The following LZTFL1 variants were observed in gnomAD, a reference collection of about 807,000 sequenced individuals.
LZTFL1 encodes the protein leucine zipper transcription factor-like protein 1.
A neutral mutation model predicts 45.9 loss-of-function variants in LZTFL1; 25 were observed. The ratio of observed to expected loss-of-function variants is 0.54; its 90% confidence interval spans 0.40 to 0.76. The LOEUF is 0.76. Ranked by LOEUF, LZTFL1 falls within the 30% of genes least tolerant of loss-of-function variation. The pLI is 0.00. For synonymous variants in LZTFL1, 93 were observed against 117.4 expected (o/e 0.79, Z 1.35); for missense variants, 277 against 331.1 (o/e 0.84, Z 1.27).
chr3:45,891,579 A>C (rs1441553863), intron 2 of LZTFL1, among the ~76,000 whole-genome samples: 4 of 152,190 alleles, frequency 2.6e-5, no homozygotes, highest in Admixed American at 2.6e-4. Context: ...TTCTCCTGTA[A>C]AACCACAATG....
intron 2 of LZTFL1, among the ~76,000 whole-genome samples, chr3:45,871,869 G>T (rs572486020): frequency 5.3e-5 from 8 of 152,322 alleles, no homozygotes; most frequent in African/African-American, 1.9e-4. Flanking sequence ...GGCTTTGTTT[G>T]CTTCCCAGGG....
chr3:45,845,161 G>C (rs1701198263), upstream of LZTFL1, among the ~76,000 whole-genome samples: 1 of 152,100 alleles, frequency 6.6e-6, no homozygotes, highest in South Asian at 2.1e-4. Flanking sequence ...ATACATTTCA[G>C]TTAAACCCAC....
At chr3:45,833,631 C>T (rs1233072216) in intron 4 of LZTFL1, among the ~76,000 whole-genome samples, 5 of 152,042 alleles carry the variant, frequency 3.3e-5, no homozygotes, top group African/African-American at 7.2e-5. Flanking sequence ...TAATTCATGC[C>T]CTCTGATCCA....
At chr3:45,854,920 T>C in intron 4 of LZTFL1, 1 of 1,187,742 alleles carries the variant, frequency 8.4e-7, no homozygotes, top group Admixed American at 2.2e-5. Flanking sequence ...GGAATAACAA[T>C]AAAAAAACAG....
intron 2 of LZTFL1, among the ~76,000 whole-genome samples, chr3:45,898,137 C>T (rs1702427604): frequency 6.6e-6 from 1 of 152,120 alleles, no homozygotes; most frequent in Non-Finnish European, 1.5e-5. Flanking sequence ...GGTCATCCTC[C>T]CAACCTCTTA....
At chr3:45,868,668 C>T (rs895280883) in intron 2 of LZTFL1, among the ~76,000 whole-genome samples, 1 of 152,104 alleles carries the variant, frequency 6.6e-6, no homozygotes, top group Non-Finnish European at 1.5e-5. Flanking sequence ...GGGGGGTAAA[C>T]CCAACTCTCT....
At position 45,874,894 on chromosome 3, in the gene LZTFL1, C is replaced by T. The variant is rs12639252; in HGVS notation, c.-214-15878G>A. On this transcript the variant is annotated intron_variant, in intron 2 of 4. Transcript: ENST00000472635. ...CTAGCCAGCTGGTGGATGGGAGGCA[C>T]GTGGACCAGTGGTAACATCATCCCG... Among the ~76,000 whole-genome samples the T allele has an allele frequency of 2.2e-3, 336 of 152,288 alleles. 15 individuals are homozygous for T. The East Asian group carries it at 0.049, about 22-fold the overall frequency.
intron 2 of LZTFL1, chr3:45,859,109 G>A (rs970507614): frequency 2.0e-5 from 3 of 152,186 alleles, no homozygotes; most frequent in Admixed American, 6.5e-5. Context: ...GATGGTGCTC[G>A]TTGATGATAC....
At chr3:45,872,368 G>A (rs1042109971) in intron 2 of LZTFL1, among the ~76,000 whole-genome samples, 2 of 152,172 alleles carry the variant, frequency 1.3e-5, no homozygotes, top group African/African-American at 4.8e-5. Context: ...AGATTGGCAA[G>A]GGAGAGGTCC....
intron 2 of LZTFL1, among the ~76,000 whole-genome samples, chr3:45,909,126 C>T (rs748496371): frequency 5.9e-5 from 9 of 152,144 alleles, no homozygotes; most frequent in African/African-American, 1.4e-4. Flanking sequence ...CCGATGAGAT[C>T]GTCTAGTTGC....
At chr3:45,897,053 G>C (rs1702378190) in intron 2 of LZTFL1, among the ~76,000 whole-genome samples, 1 of 152,198 alleles carries the variant, frequency 6.6e-6, no homozygotes, top group Non-Finnish European at 1.5e-5. Flanking sequence ...GAGGGAAGAG[G>C]ACGTGCCTGT....
chr3:45,860,083 G>C (rs553134107), intron 2 of LZTFL1, among the ~76,000 whole-genome samples: 34 of 152,168 alleles, frequency 2.2e-4, no homozygotes, highest in African/African-American at 7.7e-4. Context: ...ATTTAATGTA[G>C]ATTTTAAAAT....
intron 2 of LZTFL1, among the ~76,000 whole-genome samples, chr3:45,882,695 A>G (rs1701881340): frequency 6.6e-6 from 1 of 152,106 alleles, no homozygotes; most frequent in African/African-American, 2.4e-5. Flanking sequence ...TTTCTCTGTT[A>G]CAGGTATCAG....
chr3:45,855,915 G>GA (rs537599868), intron 3 of LZTFL1, among the ~76,000 whole-genome samples: 47 of 152,142 alleles, frequency 3.1e-4, no homozygotes, highest in Admixed American at 9.8e-4. Flanking sequence ...ACAAACAAAT[G>GA]AAAAAATATT....
intron 2 of LZTFL1, among the ~76,000 whole-genome samples, chr3:45,905,565 A>C (rs1361582707): frequency 1.3e-5 from 2 of 152,232 alleles, no homozygotes; most frequent in African/African-American, 4.8e-5. Flanking sequence ...ACTTGTAGGG[A>C]GTATGGTCGG....
chr3:45,857,812 C>T (rs975362697), intron 3 of LZTFL1, among the ~76,000 whole-genome samples: 20 of 152,150 alleles, frequency 1.3e-4, no homozygotes, highest in Non-Finnish European at 2.4e-4. Flanking sequence ...ATATGCCTCC[C>T]ACTCCTTATT....
Position 45,875,210 on chromosome 3 carries a change from T to TGAGCTCTAC in LZTFL1, c.-214-16195_-214-16194insGTAGAGCTC, listed in dbSNP as rs945335093. ...TTTTCTCTCCTGCTCCCTTTGAATG[T>TGAGCTCTAC]GAGCTCTATGAGGGTATGCCCCTTG... On this transcript the variant is annotated intron_variant, in intron 2 of 4. Transcript: ENST00000472635. 8.3e-3 allele frequency among the ~76,000 whole-genome samples: 6 copies of TGAGCTCTAC among 720 alleles called. No individual in the cohort carries two copies. In the Admixed American group the frequency reaches 0.094, roughly 11 times the overall value. The allele number at this position is 720 out of a possible 152,430, so 0.5% of individuals were successfully genotyped here. A position where few individuals can be genotyped will look rare whatever the true frequency, so the allele number is the denominator to read the frequency against.
intron 2 of LZTFL1, among the ~76,000 whole-genome samples, chr3:45,892,107 C>T (rs1433052120): frequency 6.6e-6 from 1 of 152,088 alleles, no homozygotes; most frequent in Non-Finnish European, 1.5e-5. Flanking sequence ...GCACTAGGTG[C>T]TAATTATGCT....
intron 2 of LZTFL1, among the ~76,000 whole-genome samples, chr3:45,878,326 C>T (rs972359368): frequency 5.9e-5 from 9 of 152,254 alleles, no homozygotes; most frequent in Non-Finnish European, 1.3e-4. Flanking sequence ...TTTGATGTGG[C>T]CATTTAGAAA....
Sources: allele counts gnomAD v4.1 joint callset (sites outside exome capture counted in the v4.1 genomes callset), GRCh38; gene constraint gnomAD v4.1.1; transcripts MANE v1.5; gene names NCBI Gene and HGNC (gene_info 2026-07-23, HGNC 2026-07-21).